Variants in CTNNA3 observed in about 807,000 individuals in gnomAD.
CTNNA3 encodes catenin alpha 3.
A neutral mutation model predicts 95.7 loss-of-function variants in CTNNA3; 76 were observed. That is an observed-to-expected ratio of 0.79 (90% CI 0.66 to 0.96). The LOEUF (loss-of-function observed/expected upper bound fraction) is 0.96, where lower values mean the gene tolerates loss of function less well. Among genes scored for constraint, CTNNA3 ranks in the 40% least tolerant of loss-of-function variants. CTNNA3 has a pLI of 0.00. For synonymous variants in CTNNA3, 431 were observed against 374.4 expected, an observed-to-expected ratio of 1.15 and a Z score of -1.74; for missense variants, 1,191 against 1,089.8, an observed-to-expected ratio of 1.09 and a Z score of -1.31.
chr10:67,224,291 T>C lies in CTNNA3; in HGVS notation c.580-4421A>G, dbSNP rs1365016057. On this transcript the variant is annotated intron_variant, in intron 5 of 17. Transcript: ENST00000433211. The stretch of plus-strand genomic sequence containing the variant: ...CCCTGGCAACTATGGTAAAACTGCT[T>C]CTATGAGTTTGACTTGTTTAGATTC... Among the ~76,000 whole-genome samples, 8 of 152,338 alleles carry C rather than the reference T, an allele frequency of 5.3e-5. No homozygotes were observed. In the East Asian group the frequency reaches 1.5e-3, roughly 29 times the overall value.
chr10:67,721,705 CGAG>C (rs1422621109), intron 1 of CTNNA3, among the ~76,000 whole-genome samples: 3 of 152,024 alleles, frequency 2.0e-5, no homozygotes, highest in African/African-American at 7.2e-5. Context: ...CTTTTGCTGG[CGAG>C]GAGTTGTGAT....
intron 15 of CTNNA3, among the ~76,000 whole-genome samples, chr10:66,030,275 C>T (rs1426028960): frequency 6.6e-6 from 1 of 152,032 alleles, no homozygotes; most frequent in African/African-American, 2.4e-5. Flanking sequence ...CAATCCTAAG[C>T]AAAAAGAACA....
intron 5 of CTNNA3, among the ~76,000 whole-genome samples, chr10:67,271,401 G>A (rs370206874): frequency 1.1e-4 from 16 of 152,162 alleles, no homozygotes; most frequent in African/African-American, 3.1e-4. Context: ...CTGTCCTGCC[G>A]CCCTGTGAAG....
chr10:67,377,256 A>G (rs180814530), intron 5 of CTNNA3, among the ~76,000 whole-genome samples: 1 of 152,368 alleles, frequency 6.6e-6, no homozygotes, highest in African/African-American at 2.4e-5. Context: ...AACCTTCTGT[A>G]CTAGAAAGTA....
chr10:65,958,329 A>G (rs764191975), intron 17 of CTNNA3, among the ~76,000 whole-genome samples: 1 of 152,006 alleles, frequency 6.6e-6, no homozygotes, highest in Non-Finnish European at 1.5e-5. Context: ...ATGGGTTCAA[A>G]CATCCTCCTT....
chr10:67,453,315 G>C (rs1213402491), intron 5 of CTNNA3, among the ~76,000 whole-genome samples: 1 of 152,130 alleles, frequency 6.6e-6, no homozygotes, highest in Admixed American at 6.6e-5. Flanking sequence ...AGAGAAACAT[G>C]GGTTATATAA....
At chr10:67,285,862 T>A (rs573792738) in intron 5 of CTNNA3, among the ~76,000 whole-genome samples, 6 of 152,298 alleles carry the variant, frequency 3.9e-5, no homozygotes, top group African/African-American at 1.2e-4. Context: ...CAATGCAAAG[T>A]AAGAAAAAAC....
intron 13 of CTNNA3, among the ~76,000 whole-genome samples, chr10:66,206,400 G>T (rs1420913911): frequency 6.6e-6 from 1 of 151,852 alleles, no homozygotes; most frequent in Admixed American, 6.6e-5. Flanking sequence ...GAGTGAACGG[G>T]AATGGCCTAA....
At chr10:66,526,734 C>T (rs142698145) in intron 10 of CTNNA3, among the ~76,000 whole-genome samples, 237 of 152,182 alleles carry the variant, frequency 1.6e-3, no homozygotes, top group African/African-American at 5.4e-3. Context: ...TGCTTATTGA[C>T]GAACTGTTTA....
upstream of CTNNA3, among the ~76,000 whole-genome samples, chr10:67,699,792 A>C (rs986198081): frequency 6.6e-6 from 1 of 152,150 alleles, no homozygotes; most frequent in Non-Finnish European, 1.5e-5. Flanking sequence ...GGTGCAGTGC[A>C]CCGTTCGCGA....
At chr10:67,103,746 T>C (rs1858472091) in intron 7 of CTNNA3, among the ~76,000 whole-genome samples, 1 of 151,678 alleles carries the variant, frequency 6.6e-6, no homozygotes, top group Non-Finnish European at 1.5e-5. Context: ...TATATATTAT[T>C]CTGAATAATT....
intron 5 of CTNNA3, among the ~76,000 whole-genome samples, chr10:67,401,483 G>A (rs1844920510): frequency 6.6e-6 from 1 of 152,136 alleles, no homozygotes; most frequent in Non-Finnish European, 1.5e-5. Flanking sequence ...ACCCAATGTG[G>A]GGTGCCTGAA....
At chr10:67,556,018 GT>G (rs1841233300) in intron 3 of CTNNA3, among the ~76,000 whole-genome samples, 1 of 152,040 alleles carries the variant, frequency 6.6e-6, no homozygotes, top group African/African-American at 2.4e-5. Context: ...AATTCATGTG[GT>G]TTTTGTCTTT....
chr10:67,215,185 T>TGC (rs1232342711), intron 6 of CTNNA3, among the ~76,000 whole-genome samples: 1 of 152,130 alleles, frequency 6.6e-6, no homozygotes, highest in Non-Finnish European at 1.5e-5. Flanking sequence ...TCACCTGTTT[T>TGC]GCCTAACCAT....
At chr10:66,448,742 G>T (rs1222588594) in intron 11 of CTNNA3, among the ~76,000 whole-genome samples, 1 of 151,940 alleles carries the variant, frequency 6.6e-6, no homozygotes, top group Non-Finnish European at 1.5e-5. Flanking sequence ...ACGAGTTAAT[G>T]GGTGCAGCAC....
At chr10:67,107,242 C>G (rs1367413967) in intron 7 of CTNNA3, among the ~76,000 whole-genome samples, 1 of 152,204 alleles carries the variant, frequency 6.6e-6, no homozygotes, top group Non-Finnish European at 1.5e-5. Flanking sequence ...TGCCTAAAAG[C>G]TCAGAGCCAA....
intron 7 of CTNNA3, chr10:67,099,311 A>C (rs1037387556): frequency 6.6e-6 from 1 of 151,634 alleles, no homozygotes; most frequent in African/African-American, 2.4e-5. Flanking sequence ...ATCAATAGTA[A>C]TCATGCATTC....
intron 6 of CTNNA3, among the ~76,000 whole-genome samples, chr10:67,186,068 T>C (rs76052303): frequency 0.023 from 3,539 of 152,154 alleles, 117 homozygotes; most frequent in African/African-American, 0.074. Context: ...AAAACCTTTT[T>C]GGAAATGTAC....
chr10:66,626,104 G>C lies in CTNNA3; in HGVS notation c.1282-4320C>G, dbSNP rs1844926187. Among the ~76,000 whole-genome samples, 2 of 152,090 alleles carry C rather than the reference G, an allele frequency of 1.3e-5. 1 individual carries two copies. Among genetic ancestry groups the C allele is most frequent in the Admixed American group, 1.3e-4 (2 of 15,268 alleles). Reference sequence around the variant, plus strand: ...TTAAATAAATTGAATATCAGAGCATGGTATGTTTTAACGTTCTAGTATTAA... The same window carrying C: ...TTAAATAAATTGAATATCAGAGCATCGTATGTTTTAACGTTCTAGTATTAA... On this transcript the variant is annotated intron_variant, in intron 9 of 17. Transcript: ENST00000433211.
Sources: gnomAD v4.1 joint callset for allele counts (sites outside exome capture counted in the v4.1 genomes callset) on GRCh38, gnomAD v4.1.1 for gene constraint, MANE v1.5 for transcripts, NCBI Gene and HGNC (gene_info 2026-07-23, HGNC 2026-07-21) for gene names.